Variants in FCN2 observed in about 807,000 individuals in gnomAD.
FCN2 encodes ficolin-2.
A neutral mutation model predicts 32.5 loss-of-function variants in FCN2; 31 were observed. The ratio of observed to expected loss-of-function variants is 0.96; its 90% CI spans 0.72 to 1.29. The LOEUF is 1.29. Among genes scored for constraint, FCN2 ranks in the 50% most tolerant of loss-of-function variants. The pLI is 0.00. For missense variants in FCN2, 412 were observed against 406.5 expected, an observed-to-expected ratio of 1.01 and a Z score of -0.12; for synonymous variants, 181 against 164.5, an observed-to-expected ratio of 1.10 and a Z score of -0.77.
chr9:134,886,018 C>T (rs1588645581), intron 6 of FCN2, 121 bp downstream of exon 6: 8 of 1,062,468 alleles, frequency 7.5e-6, no homozygotes, highest in East Asian at 5.0e-5. Context: ...GCCCTGAGCA[C>T]ACTCAGGGTG....
chr9:134,883,828 C>G (rs1005763979), intron 3 of FCN2, among the ~76,000 whole-genome samples: 6 of 90,204 alleles, frequency 6.7e-5, no homozygotes, highest in Non-Finnish European at 1.2e-4. Context: ...CGGGGAGGGA[C>G]TTTTAGTGTG....
the FCN2 span, among the ~76,000 whole-genome samples, chr9:134,867,663 T>TAAA: frequency 7.1e-6 from 1 of 140,208 alleles, no homozygotes; most frequent in Non-Finnish European, 1.6e-5. Flanking sequence ...GGGGATACTT[T>TAAA]AAAAAAAAAA....
intron 7 of FCN2, 89 bp downstream of exon 7, chr9:134,886,653 T>C: frequency 6.7e-7 from 1 of 1,482,202 alleles, no homozygotes; most frequent in Middle Eastern, 1.8e-4. Context: ...GGTAGCCTTG[T>C]GGAAGAGGCC....
upstream of FCN2, among the ~76,000 whole-genome samples, chr9:134,878,838 C>T (rs138982663): frequency 8.6e-4 from 131 of 151,554 alleles, 1 homozygote; most frequent in East Asian, 0.025. Context: ...AGCGAAACTC[C>T]GTCTCAAAAA....
At chr9:134,868,415 G>A in the FCN2 span, 2,810 of 200,458 alleles carry the variant, frequency 0.014, 53 homozygotes, top group South Asian at 0.084. The surrounding 1 kb of genome is among the most constrained non-coding windows in gnomAD (Gnocchi z 4.3). Context: ...TCAACTGGAA[G>A]TCGGGGAAAG....
At chr9:134,885,391 G>A (rs768215475) in intron 5 of FCN2, 25 bp downstream of exon 5, 13 of 1,609,300 alleles carry the variant, frequency 8.1e-6, no homozygotes, top group East Asian at 2.2e-5. Context: ...GGGCAGAGGC[G>A]GTCAGCCTGG....
At chr9:134,885,717 G>A (rs1327136383) in intron 5 of FCN2, 51 bp from the exon 6 acceptor site, 17 of 1,613,076 alleles carry the variant, frequency 1.1e-5, no homozygotes, top group Admixed American at 1.7e-5. Flanking sequence ...CCCCCGTGCT[G>A]TGGGACGTCG....
At chr9:134,878,109 C>T (rs1050950291), upstream of FCN2, among the ~76,000 whole-genome samples, 27 of 152,322 alleles carry the variant, frequency 1.8e-4, no homozygotes, top group Admixed American at 1.2e-3. Context: ...CATCAGACTC[C>T]GAGTTCTTCA....
intron 5 of FCN2, 119 bp from the exon 6 acceptor site, chr9:134,885,649 G>C: frequency 7.1e-7 from 1 of 1,401,010 alleles, no homozygotes; most frequent in South Asian, 1.3e-5. Flanking sequence ...TGGGCGTGCT[G>C]GTGACCCCGC....
At chr9:134,880,666 A>C, upstream of FCN2, 1 of 679,476 alleles carries the variant, frequency 1.5e-6, no homozygotes, top group South Asian at 1.6e-5. Context: ...GGTAGGGAGC[A>C]GCCCTGGAGA....
chr9:134,882,303 G>C (rs1830675345), intron 1 of FCN2, among the ~76,000 whole-genome samples: 1 of 152,230 alleles, frequency 6.6e-6, no homozygotes, highest in African/African-American at 2.4e-5. Flanking sequence ...CTTTCTGCCT[G>C]ACCAGTGCCC....
At chr9:134,881,097 G>A (rs1222840789) in intron 1 of FCN2, among the ~76,000 whole-genome samples, 176 bp downstream of exon 1, 2 of 152,232 alleles carry the variant, frequency 1.3e-5, no homozygotes, top group Non-Finnish European at 2.9e-5. Context: ...GCCCCGAATG[G>A]ATGTGGCATC....
At chr9:134,881,768 G>C (rs1830667812) in intron 1 of FCN2, among the ~76,000 whole-genome samples, 1 of 152,152 alleles carries the variant, frequency 6.6e-6, no homozygotes, top group Admixed American at 6.5e-5. Flanking sequence ...AACTCCTAGT[G>C]GCTCGTTGTG....
the FCN2 span, among the ~76,000 whole-genome samples, chr9:134,872,406 T>C: frequency 6.6e-6 from 1 of 152,232 alleles, no homozygotes; most frequent in South Asian, 2.1e-4. Context: ...CACAGGTCTT[T>C]GTGTAGATAT....
At chr9:134,877,529 G>T (rs535107365), upstream of FCN2, among the ~76,000 whole-genome samples, 4 of 152,296 alleles carry the variant, frequency 2.6e-5, no homozygotes, top group African/African-American at 9.6e-5. Flanking sequence ...TCTGTAGAAG[G>T]TTGTTATTTT....
At position 134,883,307 on chromosome 9, in the gene FCN2, C is replaced by A. The variant is rs138601974; in HGVS notation, c.220C>A (p.Arg74Ser). 1.1e-5 allele frequency: 18 copies of A among 1,612,912 alleles called. No homozygotes were observed. The highest frequency in any genetic ancestry group is 1.3e-5 in the Non-Finnish European group (15 of 1,179,092). ...AGTGTCTTTGGAAATTGCAGGAGAA[C>A]GTGGCCCCCCTGGACCTCCTGGGAA... is the stretch of plus-strand genomic sequence containing the variant. The part of the protein sequence containing the change: ...EAGTNGKRGE[R>S]GPPGPPGKAG... The change falls in exon 3 of 8, where the codon CGT (arginine) becomes AGT (serine). Residue 74 changes from arginine (R) to serine (S), a missense_variant. Coordinates refer to ENST00000291744, the MANE Select transcript of FCN2 (RefSeq NM_004108.3).
the FCN2 span, among the ~76,000 whole-genome samples, chr9:134,871,163 A>G: frequency 6.6e-6 from 1 of 152,228 alleles, no homozygotes; most frequent in Admixed American, 6.5e-5. Context: ...CTCTTCTACA[A>G]TTTACTCAAC....
chr9:134,883,468 C>T, intron 3 of FCN2, 113 bp downstream of exon 3: 1 of 958,144 alleles, frequency 1.0e-6, no homozygotes. Flanking sequence ...AGAGCCAACG[C>T]CTGCCCAGGC....
chr9:134,887,101 A>G (rs1052478683), intron 7 of FCN2, 67 bp from the exon 8 acceptor site: 12 of 1,594,252 alleles, frequency 7.5e-6, no homozygotes, highest in African/African-American at 4.0e-5. Context: ...GGCCTCAGGT[A>G]TAAAGACTTA....
Sources: gnomAD v4.1 joint callset for allele counts (sites outside exome capture counted in the v4.1 genomes callset) on GRCh38, gnomAD v4.1.1 for gene constraint, Gnocchi (gnomAD v3.1) non-coding constraint, MANE v1.5 for transcripts, NCBI Gene and HGNC (gene_info 2026-07-23, HGNC 2026-07-21) for gene names.